Variants in SNRPN observed in about 807,000 individuals in gnomAD.
SNRPN encodes the protein small nuclear ribonucleoprotein polypeptide N.
SNRPN carries 7 observed loss-of-function variants against 25.2 expected under a neutral mutation model. The observed-to-expected ratio is 0.28, with a 90% CI of 0.16 to 0.52. The LOEUF is 0.52. Ranked by LOEUF, SNRPN falls within the 20% of genes least tolerant of loss-of-function variation. The probability of loss-of-function intolerance (pLI) is 0.96; values close to 1 mark genes in which losing one functional copy is unlikely to be tolerated. For synonymous variants in SNRPN, 124 were observed against 110.6 expected (o/e 1.12, Z -0.76); for missense variants, 196 against 322.5 (o/e 0.61, Z 3.00).
In SNRPN at chr15:24,909,331, C is replaced by A. The variant is rs1226537963; in HGVS notation, c.-504-10680C>A. 1.5e-5 allele frequency: 24 copies of A among 1,603,190 alleles called. No individual in the cohort carries two copies. In the African/African-American group the frequency reaches 2.9e-4, roughly 20 times the overall value. ...TAGACAAGCCTCCATCCACAGCTCC[C>A]TTCAGGGCACCAAAAACTTTATTGC... On this transcript the variant is annotated intron_variant, in intron 2 of 11. Coordinates refer to the SNRPN transcript ENST00000400097.
rs183659435 is a variant in SNRPN, at chr15:24,889,042, C to T, written c.-505+2453C>T. ...ATGCCATTCTCTTGCCTCAGCCTCC[C>T]GAGTAGCTGGAACTACAGGCACACG... On this transcript the variant is annotated intron_variant, in intron 2 of 11. Transcript: ENST00000400097. Among the ~76,000 whole-genome samples the T allele has an allele frequency of 6.8e-3, 1,023 of 150,264 alleles. 28 individuals are homozygous for T. The highest frequency in any genetic ancestry group is 3.5e-3 in the Admixed American group (53 of 15,118).
At chr15:24,962,337 G>T in intron 2 of SNRPN, 128 bp downstream of exon 2, 1 of 755,424 alleles carries the variant, frequency 1.3e-6, no homozygotes, top group East Asian at 2.7e-5. Flanking sequence ...TACAGAAGAT[G>T]TAGTAAAAAA....
At chr15:24,868,949 C>A (rs1334492388) in intron 1 of SNRPN, among the ~76,000 whole-genome samples, 1 of 152,096 alleles carries the variant, frequency 6.6e-6, no homozygotes, top group Non-Finnish European at 1.5e-5. Context: ...CTAGCCTAGG[C>A]AACATAGCCA....
At chr15:24,840,485 A>G (rs2051597200) in intron 2 of SNRPN, among the ~76,000 whole-genome samples, 1 of 152,230 alleles carries the variant, frequency 6.6e-6, no homozygotes, top group Non-Finnish European at 1.5e-5. Context: ...ATCACTGTGC[A>G]TCAGGTTGCA....
intron 2 of SNRPN, among the ~76,000 whole-genome samples, chr15:24,963,058 T>G (rs1566960358): frequency 6.6e-6 from 1 of 152,190 alleles, no homozygotes; most frequent in African/African-American, 2.4e-5. Context: ...CCATCAGACC[T>G]TGTCCTATGC....
At chr15:24,848,258 G>GGGCGGC (rs71312669) in intron 2 of SNRPN, 9,501 of 123,900 alleles carry the variant, frequency 0.077, 1,205 homozygotes, top group Non-Finnish European at 0.12. Flanking sequence ...GCGGGGGCGG[G>GGGCGGC]GGCGGGGGCG....
Position 24,829,910 on chromosome 15 carries a change from G to A in SNRPN, c.-579+5G>A, listed in dbSNP as rs56684653. 0.13 allele frequency: 19,695 copies of A among 152,030 alleles called. 1,495 individuals are homozygous for A. Among genetic ancestry groups the A allele is most frequent in the African/African-American group, 0.19 (7,734 of 41,314 alleles). The allele number at this position is 152,030 out of a possible 1,614,324, so 9.4% of individuals were successfully genotyped here. On this transcript the variant is annotated splice_donor_5th_base_variant and intron_variant, in intron 2 of 12. Coordinates refer to the SNRPN transcript ENST00000400100. Reference sequence around the variant, plus strand: ...TAACAGCAAACTGCAAATGAGGTGGGTTTGCAGCTGCACAGAGAAGGGACC... The same window carrying A: ...TAACAGCAAACTGCAAATGAGGTGGATTTGCAGCTGCACAGAGAAGGGACC...
chr15:24,918,834 AAT>A lies in SNRPN; in HGVS notation c.-504-1168_-504-1167del, dbSNP rs1397795516. ...AATATATATATGTGCGCATATATAT[AAT>A]ATATATATGCGCACATATATATAAC... On this transcript the variant is annotated intron_variant, in intron 2 of 11. Coordinates refer to the SNRPN transcript ENST00000400097. 5.8e-5 allele frequency among the ~76,000 whole-genome samples: 7 copies of A among 120,614 alleles called. 1 individual carries two copies. Among genetic ancestry groups the A allele is most frequent in the Non-Finnish European group, 1.1e-4 (7 of 60,970 alleles). 79.1% of individuals were successfully genotyped at this position (120,614 alleles called of 152,430 possible). A position where few individuals can be genotyped will look rare whatever the true frequency, so the allele number is the denominator to read the frequency against.
intron 2 of SNRPN, among the ~76,000 whole-genome samples, chr15:24,843,669 C>A (rs773839916): frequency 5.3e-5 from 8 of 152,018 alleles, no homozygotes; most frequent in Non-Finnish European, 1.0e-4. Context: ...TGCCTATAAT[C>A]CCAGCTACTC....
chr15:24,968,683 T>C (rs1026275877), intron 3 of SNRPN: 1 of 152,490 alleles, frequency 6.6e-6, no homozygotes, highest in East Asian at 1.9e-4. Context: ...TAATTAACAA[T>C]GAGTATTAGA....
intron 3 of SNRPN, among the ~76,000 whole-genome samples, chr15:24,973,258 T>C (rs2076663466): frequency 6.6e-6 from 1 of 152,184 alleles, no homozygotes; most frequent in Admixed American, 6.5e-5. Flanking sequence ...TACAGGTTTG[T>C]AGCCTAGGAT....
At chr15:24,952,619 A>G (rs912035739), upstream of SNRPN, among the ~76,000 whole-genome samples, 1 of 152,242 alleles carries the variant, frequency 6.6e-6, no homozygotes. Flanking sequence ...GAGTAGAACA[A>G]ACAGGAAATT....
intron 1 of SNRPN, among the ~76,000 whole-genome samples, chr15:24,860,469 A>T (rs1312389831): frequency 6.6e-6 from 1 of 152,232 alleles, no homozygotes; most frequent in Non-Finnish European, 1.5e-5. Context: ...GTTCATTTAT[A>T]AATACAAAGC....
intron 1 of SNRPN, among the ~76,000 whole-genome samples, chr15:24,880,749 C>T (rs11854194): frequency 0.28 from 41,492 of 149,806 alleles, 6,030 homozygotes; most frequent in East Asian, 0.36. Flanking sequence ...TTAACACTTA[C>T]GCCTTTTTTT....
At chr15:24,890,718 C>T (rs1261928610) in intron 2 of SNRPN, among the ~76,000 whole-genome samples, 1 of 151,878 alleles carries the variant, frequency 6.6e-6, no homozygotes, top group African/African-American at 2.4e-5. Flanking sequence ...AAAAGCCCCA[C>T]CTATCCCTTG....
chr15:24,959,894 A>G (rs541283437), intron 1 of SNRPN, among the ~76,000 whole-genome samples: 1 of 152,348 alleles, frequency 6.6e-6, no homozygotes, highest in South Asian at 2.1e-4. Context: ...GCCCTCGTAT[A>G]TGCCAGGTTC....
At chr15:24,844,746 A>T (rs1275470515) in intron 2 of SNRPN, among the ~76,000 whole-genome samples, 2 of 151,108 alleles carry the variant, frequency 1.3e-5, no homozygotes, top group Admixed American at 6.6e-5. Flanking sequence ...CTGGTCTTGA[A>T]CTCCTGACCT....
intron 1 of SNRPN, among the ~76,000 whole-genome samples, chr15:24,882,074 C>T (rs1404535414): frequency 6.6e-6 from 1 of 152,066 alleles, no homozygotes; most frequent in Non-Finnish European, 1.5e-5. Flanking sequence ...TCTTCATATC[C>T]TTAGTGTATC....
At chr15:24,917,657 C>T (rs138272493) in intron 2 of SNRPN, among the ~76,000 whole-genome samples, 12 of 152,356 alleles carry the variant, frequency 7.9e-5, no homozygotes, top group Admixed American at 1.3e-4. Flanking sequence ...CCAAACCCGC[C>T]CTGGTCTGCG....
Sources: allele counts gnomAD v4.1 joint callset (sites outside exome capture counted in the v4.1 genomes callset), GRCh38; gene constraint gnomAD v4.1.1; transcripts MANE v1.5; gene names NCBI Gene and HGNC (gene_info 2026-07-23, HGNC 2026-07-21).